Variants in HEMK2 observed in about 807,000 individuals in gnomAD.
HEMK2 encodes the protein HemK methyltransferase 2, ETF1 glutamine and histone H4 lysine.
the HEMK2 span, among the ~76,000 whole-genome samples, chr21:28,789,233 C>T: frequency 2.1e-4 from 32 of 152,208 alleles, no homozygotes; most frequent in Middle Eastern, 3.4e-3. Flanking sequence ...TATGTGGCAA[C>T]CTTGGTAATA....
At chr21:28,580,664 T>C in the HEMK2 span, among the ~76,000 whole-genome samples, 1 of 151,442 alleles carries the variant, frequency 6.6e-6, no homozygotes, top group Non-Finnish European at 1.5e-5. Context: ...GAAAAGAAAA[T>C]ATCACTGAAA....
At chr21:28,801,118 T>C in the HEMK2 span, among the ~76,000 whole-genome samples, 1 of 152,242 alleles carries the variant, frequency 6.6e-6, no homozygotes, top group Non-Finnish European at 1.5e-5. Context: ...CAGGCCAGCT[T>C]TGTCAAAGTG....
chr21:28,772,790 C>T, the HEMK2 span, among the ~76,000 whole-genome samples: 9 of 152,120 alleles, frequency 5.9e-5, no homozygotes, highest in African/African-American at 1.9e-4. Flanking sequence ...AACCATATTG[C>T]TTCTGTATTC....
the HEMK2 span, among the ~76,000 whole-genome samples, chr21:28,817,481 G>A: frequency 6.6e-6 from 1 of 152,118 alleles, no homozygotes; most frequent in African/African-American, 2.4e-5. Context: ...CTCCATGATA[G>A]GTGTAGGGTT....
At chr21:28,581,019 C>T in the HEMK2 span, among the ~76,000 whole-genome samples, 3 of 152,044 alleles carry the variant, frequency 2.0e-5, no homozygotes, top group African/African-American at 7.2e-5. Context: ...TGTTCTGGTA[C>T]CCACGAATCT....
the HEMK2 span, among the ~76,000 whole-genome samples, chr21:28,824,011 T>A: frequency 2.0e-5 from 3 of 152,166 alleles, no homozygotes; most frequent in Non-Finnish European, 4.4e-5. Context: ...AAATTTGCAT[T>A]TTTTTATAAG....
At chr21:28,831,771 G>GAAAGAAAGAA in the HEMK2 span, among the ~76,000 whole-genome samples, 6 of 144,644 alleles carry the variant, frequency 4.1e-5, no homozygotes, top group Admixed American at 1.3e-4. Context: ...AAGAAAGAAA[G>GAAAGAAAGAA]AAACAGTATC....
chr21:28,698,080 C>T, the HEMK2 span, among the ~76,000 whole-genome samples: 1 of 152,296 alleles, frequency 6.6e-6, no homozygotes, highest in South Asian at 2.1e-4. Context: ...GAAGGTTCAA[C>T]CCTCCTGATT....
the HEMK2 span, among the ~76,000 whole-genome samples, chr21:28,771,062 G>A: frequency 6.6e-6 from 1 of 152,132 alleles, no homozygotes; most frequent in African/African-American, 2.4e-5. Context: ...CTTCATGCCA[G>A]ACACTGTGAT....
At chr21:28,668,840 C>A in the HEMK2 span, among the ~76,000 whole-genome samples, 4 of 152,200 alleles carry the variant, frequency 2.6e-5, no homozygotes, top group Non-Finnish European at 4.4e-5. Flanking sequence ...GGCCTTCCCA[C>A]AGTGATTCTA....
chr21:28,690,284 G>A, the HEMK2 span, among the ~76,000 whole-genome samples: 3 of 152,138 alleles, frequency 2.0e-5, no homozygotes, highest in Non-Finnish European at 4.4e-5. Context: ...GGAGCTCCTA[G>A]ATAATAGCCA....
At chr21:28,758,252 G>A in the HEMK2 span, among the ~76,000 whole-genome samples, 8 of 151,842 alleles carry the variant, frequency 5.3e-5, no homozygotes, top group African/African-American at 1.9e-4. Context: ...GACTGAATAG[G>A]AGGCCAAGAA....
chr21:28,675,674 C>A, the HEMK2 span, among the ~76,000 whole-genome samples: 1 of 152,206 alleles, frequency 6.6e-6, no homozygotes, highest in Non-Finnish European at 1.5e-5. Context: ...CATATTCTGA[C>A]TTGGAGCTGG....
the HEMK2 span, among the ~76,000 whole-genome samples, chr21:28,724,547 CTTGTTTGT>C: frequency 1.3e-5 from 2 of 152,090 alleles, no homozygotes; most frequent in Admixed American, 6.6e-5. Context: ...AACTTAACTG[CTTGTTTGT>C]TTGTTTGTTT....
the HEMK2 span, among the ~76,000 whole-genome samples, chr21:28,765,148 A>T: frequency 6.6e-6 from 1 of 151,908 alleles, no homozygotes; most frequent in Non-Finnish European, 1.5e-5. Flanking sequence ...AGAAAGAGTG[A>T]CCTCCAGCTA....
At chr21:28,658,923 A>G in the HEMK2 span, among the ~76,000 whole-genome samples, 1 of 152,110 alleles carries the variant, frequency 6.6e-6, no homozygotes, top group Non-Finnish European at 1.5e-5. Context: ...CCAATATATT[A>G]GCTAAAGTTC....
the HEMK2 span, chr21:28,875,825 G>A: frequency 3.9e-5 from 6 of 152,218 alleles, no homozygotes; most frequent in African/African-American, 1.4e-4. Flanking sequence ...CCCTTGAATT[G>A]TAGTCATATT....
the HEMK2 span, among the ~76,000 whole-genome samples, chr21:28,591,459 A>G: frequency 6.6e-6 from 1 of 152,254 alleles, no homozygotes; most frequent in African/African-American, 2.4e-5. Context: ...CAAGTGAGAA[A>G]AAAAAATGAT....
chr21:28,811,874 T>C, the HEMK2 span, among the ~76,000 whole-genome samples: 1 of 152,194 alleles, frequency 6.6e-6, no homozygotes, highest in East Asian at 1.9e-4. Context: ...TGTGAATATA[T>C]TGCTTAGCCA....
Sources: gnomAD v4.1 joint callset for allele counts (sites outside exome capture counted in the v4.1 genomes callset) on GRCh38, gnomAD v4.1.1 for gene constraint, MANE v1.5 for transcripts, NCBI Gene and HGNC (gene_info 2026-07-23, HGNC 2026-07-21) for gene names.